Variants in WDR48 observed in about 807,000 individuals in gnomAD.
The protein encoded by WDR48 is WD repeat domain 48, also known as WD repeat-containing protein 48.
A neutral mutation model predicts 94.0 loss-of-function variants in WDR48; 22 were observed. The ratio of observed to expected loss-of-function variants is 0.23; its 90% CI spans 0.17 to 0.33. The LOEUF (loss-of-function observed/expected upper bound fraction) is 0.33. Among genes scored for constraint, WDR48 ranks in the 10% least tolerant of loss-of-function variants. The pLI is 1.00. For missense variants in WDR48, 541 were observed against 813.8 expected (o/e 0.66, Z 4.08); for synonymous variants, 278 against 280.5 (o/e 0.99, Z 0.09).
chr3:39,052,266 C>G lies in WDR48; in HGVS notation c.48+193C>G, dbSNP rs1188128163. 4.8e-6 allele frequency: 3 copies of G among 629,692 alleles called. No individual in the cohort carries two copies. The South Asian group carries it at 6.2e-5, about 13-fold the overall frequency. The allele number at this position is 629,692 out of a possible 1,614,324, so 39.0% of individuals were successfully genotyped here. On this transcript the variant is annotated intron_variant, in intron 1 of 18. Coordinates refer to ENST00000302313, the MANE Select transcript of WDR48 (RefSeq NM_020839.4). Reference sequence around the variant, plus strand: ...AGGGGCGGGGGTCGGCTTGCTTGGCCCTTGGGGCCCAGGCCCGGGACCCTC... The same window carrying G: ...AGGGGCGGGGGTCGGCTTGCTTGGCGCTTGGGGCCCAGGCCCGGGACCCTC...
chr3:39,056,478 A>G (rs1222013701), intron 1 of WDR48, among the ~76,000 whole-genome samples: 1 of 152,194 alleles, frequency 6.6e-6, no homozygotes, highest in African/African-American at 2.4e-5. Flanking sequence ...AGAAAAACTA[A>G]TGATAGAAAA....
chr3:39,066,552 A>T lies in WDR48; in HGVS notation c.273A>T (p.Ile91=), dbSNP rs1023921691. ...IVLCCNGKTL[I]SASSDTTVKV... ...TTAATTCTTTGCTTCTTCTAGTAAT[A>T]TCTGCTTCTTCTGACACGACAGTAA... The change falls in exon 4 of 19, where the codon ATA becomes ATT. Residue 91 remains isoleucine (I), a synonymous_variant. Coordinates refer to ENST00000302313, the MANE Select transcript of WDR48 (RefSeq NM_020839.4). The T allele has an allele frequency of 1.2e-6, 2 of 1,613,546 alleles. No homozygotes were observed. The highest frequency in any genetic ancestry group is 2.7e-5 in the African/African-American group (2 of 75,040).
At chr3:39,089,142 C>A in intron 15 of WDR48, 89 bp from the exon 16 acceptor site, 1 of 1,202,882 alleles carries the variant, frequency 8.3e-7, no homozygotes, top group South Asian at 1.4e-5. Context: ...ACATGAAAAC[C>A]ATGAGGGTTC....
intron 11 of WDR48, among the ~76,000 whole-genome samples, chr3:39,083,036 A>AT (rs1272658037): frequency 6.6e-6 from 1 of 152,198 alleles, no homozygotes; most frequent in East Asian, 1.9e-4. Context: ...TCCAGAACTA[A>AT]TTGAGTGTTT....
At chr3:39,094,538 A>T (rs772036181) in intron 18 of WDR48, 110 bp from the exon 19 acceptor site, 4 of 1,548,702 alleles carry the variant, frequency 2.6e-6, no homozygotes, top group Non-Finnish European at 2.6e-6. Flanking sequence ...GATACCAGGC[A>T]TAGGGGAGGA....
At chr3:39,071,413 G>A (rs1483013438) in intron 7 of WDR48, among the ~76,000 whole-genome samples, 1 of 152,200 alleles carries the variant, frequency 6.6e-6, no homozygotes, top group Admixed American at 6.5e-5. Context: ...GGTTGCCCGT[G>A]TCTCTTCAGT....
chr3:39,069,444 C>T (rs2033802129), intron 6 of WDR48, among the ~76,000 whole-genome samples, 199 bp from the exon 7 acceptor site: 1 of 152,100 alleles, frequency 6.6e-6, no homozygotes, highest in Non-Finnish European at 1.5e-5. Context: ...TGTATAGTGA[C>T]AAGATAAAGA....
At chr3:39,080,140 C>A (rs941228212) in intron 11 of WDR48, among the ~76,000 whole-genome samples, 1 of 152,074 alleles carries the variant, frequency 6.6e-6, no homozygotes, top group South Asian at 2.1e-4. Flanking sequence ...GGGGGCTATT[C>A]CATGCATTGT....
intron 10 of WDR48, among the ~76,000 whole-genome samples, chr3:39,078,569 C>G (rs757732704): frequency 5.3e-5 from 8 of 151,934 alleles, no homozygotes; most frequent in Non-Finnish European, 7.4e-5. Context: ...CAGGTGTGAG[C>G]TACCATGCCC....
Position 39,074,941 on chromosome 3 carries a change from A to C in WDR48, c.888A>C (p.Pro296=). 6.2e-7 allele frequency: 1 copy of C among 1,614,214 alleles called. No homozygotes were observed. The highest frequency in any genetic ancestry group is 1.3e-5 in the African/African-American group (1 of 75,062). Residue 296 remains proline (P), a synonymous_variant, in exon 8 of 19, where the codon CCA becomes CCC. Coordinates refer to ENST00000302313, the MANE Select transcript of WDR48 (RefSeq NM_020839.4). ...TGCTAATTTGTGAAGAAAAAGCACC[A>C]GTTCTCAAGGTATGTCATATGTTAA... ...IRVLICEEKA[P]VLKMELDRSA...
In WDR48 at chr3:39,063,062, A is replaced by G. The variant is rs2033371343; in HGVS notation, c.61A>G (p.Ile21Val). Residue 21 changes from isoleucine to valine, a missense_variant, in exon 2 of 19, where the codon ATT becomes GTT. Ile to Val is a conservative substitution (Grantham distance 29). This residue lies in a region of WDR48 where 90 missense variants were observed against 122.3 expected (regional missense o/e 0.74). Transcript: ENST00000302313. ...GRRKVQVSYV[I>V]RDEVEKYNRN... ...ACACATTTGTCAGGTTTCCTATGTT[A>G]TTCGAGATGAAGTGGAGAAGTACAA... 1 of 1,614,094 alleles carries G rather than the reference A, an allele frequency of 6.2e-7. No homozygotes were observed. Among genetic ancestry groups the G allele is most frequent in the Non-Finnish European group, 8.5e-7 (1 of 1,179,958 alleles).
chr3:39,071,593 T>C (rs985696432), intron 7 of WDR48, among the ~76,000 whole-genome samples: 1 of 152,238 alleles, frequency 6.6e-6, no homozygotes, highest in African/African-American at 2.4e-5. Flanking sequence ...ACGTGTACAG[T>C]TAGAAATGCA....
intron 11 of WDR48, among the ~76,000 whole-genome samples, chr3:39,082,157 T>C (rs559970795): frequency 1.3e-5 from 2 of 152,262 alleles, no homozygotes; most frequent in Non-Finnish European, 2.9e-5. Flanking sequence ...TGGTACATAA[T>C]AGGAGGCTGT....
intron 1 of WDR48, among the ~76,000 whole-genome samples, chr3:39,060,385 G>A (rs942444889): frequency 4.0e-5 from 6 of 151,174 alleles, no homozygotes; most frequent in African/African-American, 9.8e-5. Context: ...GTTCATCCAC[G>A]TTATAGCATG....
intron 2 of WDR48, among the ~76,000 whole-genome samples, chr3:39,064,523 C>A (rs1182238305): frequency 6.6e-6 from 1 of 152,158 alleles, no homozygotes; most frequent in Non-Finnish European, 1.5e-5. Flanking sequence ...AATCCAACTG[C>A]CTTGGCCTCC....
intron 17 of WDR48, among the ~76,000 whole-genome samples, chr3:39,093,620 G>A (rs994468281): frequency 4.6e-5 from 7 of 152,180 alleles, no homozygotes; most frequent in Non-Finnish European, 1.0e-4. Flanking sequence ...ATAGGCGTGA[G>A]CCACCACACC....
chr3:39,079,837 G>T (rs766966442), intron 11 of WDR48, 29 bp downstream of exon 11: 1 of 1,371,806 alleles, frequency 7.3e-7, no homozygotes, highest in Non-Finnish European at 9.9e-7. Flanking sequence ...CTAAATATAG[G>T]TTGTTAGATT....
chr3:39,067,996 A>G (rs940140352), intron 5 of WDR48, among the ~76,000 whole-genome samples: 1 of 152,210 alleles, frequency 6.6e-6, no homozygotes, highest in African/African-American at 2.4e-5. Flanking sequence ...AAGCAAAAAA[A>G]AAAAAGCAGG....
chr3:39,058,290 G>C (rs996772746), intron 1 of WDR48, among the ~76,000 whole-genome samples: 2 of 152,210 alleles, frequency 1.3e-5, no homozygotes, highest in African/African-American at 4.8e-5. Flanking sequence ...TGATTGAATA[G>C]TGTTGTGTTT....
Sources: allele counts gnomAD v4.1 joint callset (sites outside exome capture counted in the v4.1 genomes callset), GRCh38; gene constraint gnomAD v4.1.1; regional missense constraint gnomAD v4.1.1; transcripts MANE v1.5; gene names NCBI Gene and HGNC (gene_info 2026-07-23, HGNC 2026-07-21).